The following FBXO40 variants were observed in gnomAD, a reference collection of about 807,000 sequenced individuals.
FBXO40 encodes the protein F-box protein 40, also known as F-box only protein 40.
Under a neutral mutation model 49.9 loss-of-function variants are expected in FBXO40, and 50 were observed. The observed-to-expected ratio is 1.00, with a 90% CI of 0.80 to 1.27. FBXO40 has a LOEUF of 1.27. Among genes scored for constraint, FBXO40 ranks in the 50% most tolerant of loss-of-function variants. The probability of loss-of-function intolerance (pLI) is 0.00; values close to 1 mark genes in which losing one functional copy is unlikely to be tolerated. For missense variants in FBXO40, 895 were observed against 870.1 expected (o/e 1.03, Z -0.36); for synonymous variants, 340 against 320.2 (o/e 1.06, Z -0.66).
chr3:121,599,923 A>G (rs1039143790), intron 1 of FBXO40, among the ~76,000 whole-genome samples: 6 of 151,694 alleles, frequency 4.0e-5, no homozygotes, highest in African/African-American at 1.2e-4. Context: ...AGGTTTTTCC[A>G]TGCTGACCAA....
intron 1 of FBXO40, among the ~76,000 whole-genome samples, chr3:121,618,791 G>A (rs1009510660): frequency 6.6e-6 from 1 of 151,842 alleles, no homozygotes; most frequent in African/African-American, 2.4e-5. Context: ...GATTGAGAGA[G>A]AGACAGAGAG....
At chr3:121,600,025 A>AAC (rs1286352235) in intron 1 of FBXO40, among the ~76,000 whole-genome samples, 1 of 148,952 alleles carries the variant, frequency 6.7e-6, no homozygotes, top group East Asian at 2.0e-4. Flanking sequence ...GCCCTGTCTA[A>AAC]ACACACATAT....
intron 1 of FBXO40, among the ~76,000 whole-genome samples, chr3:121,605,515 T>C (rs2108845918): frequency 6.6e-6 from 1 of 152,342 alleles, no homozygotes; most frequent in East Asian, 1.9e-4. Context: ...AGTGATTCCA[T>C]TGTTCCTAAC....
intron 1 of FBXO40, among the ~76,000 whole-genome samples, chr3:121,607,265 CAAA>C (rs199884317): frequency 1.2e-5 from 1 of 86,632 alleles, no homozygotes; most frequent in Non-Finnish European, 2.1e-5. Flanking sequence ...AACTCCATCT[CAAA>C]AAAAAAAAAA....
At chr3:121,618,879 G>A (rs575920371) in intron 1 of FBXO40, among the ~76,000 whole-genome samples, 1 of 151,360 alleles carries the variant, frequency 6.6e-6, no homozygotes, top group East Asian at 1.9e-4. Flanking sequence ...GGTGTTCATT[G>A]TATGTATTCC....
chr3:121,620,664 C>T, intron 2 of FBXO40, 86 bp downstream of exon 2: 2 of 1,532,008 alleles, frequency 1.3e-6, no homozygotes, highest in Non-Finnish European at 1.8e-6. Context: ...AGCTAGCAGA[C>T]TTGCTCTTAT....
intron 1 of FBXO40, among the ~76,000 whole-genome samples, chr3:121,603,642 G>T (rs1013781397): frequency 1.3e-5 from 2 of 152,188 alleles, no homozygotes; most frequent in African/African-American, 4.8e-5. Context: ...TAACCTTATA[G>T]GTGCTTTGTG....
At chr3:121,609,648 C>T (rs999834113) in intron 1 of FBXO40, among the ~76,000 whole-genome samples, 1 of 152,126 alleles carries the variant, frequency 6.6e-6, no homozygotes, top group Non-Finnish European at 1.5e-5. Flanking sequence ...ACAAAAGTAA[C>T]ACTCGTTTGT....
intron 1 of FBXO40, among the ~76,000 whole-genome samples, chr3:121,608,088 G>A (rs1369354114): frequency 6.6e-6 from 1 of 152,228 alleles, no homozygotes; most frequent in Non-Finnish European, 1.5e-5. Flanking sequence ...TGGGCACTAG[G>A]ATGCCCATAA....
Position 121,623,161 on chromosome 3 carries a change from C to T in FBXO40, c.1732C>T (p.Leu578=). Residue 578 remains leucine (L), a synonymous_variant, in exon 3 of 4, where the codon CTG becomes TTG. Transcript: ENST00000338040. The part of the protein sequence containing the change: ...KSQNSLTSLP[L]EILKYIAGFL... ...CCAGAATTCTTTAACCAGCCTGCCC[C>T]TGGAGATTTTGAAGTACATTGCTGG... The T allele has an allele frequency of 6.2e-7, 1 of 1,614,196 alleles. No homozygotes were observed. The highest frequency in any genetic ancestry group is 8.5e-7 in the Non-Finnish European group (1 of 1,180,038).
rs143219877 is a variant in FBXO40, at chr3:121,599,422, C to G, written c.-31+5920C>G. ...GGTGGAGGTTGCAGTAAGCCAAGAT[C>G]GTGCCACTGCACTCCAGCCTGGGCA... On this transcript the variant is annotated intron_variant, in intron 1 of 3. Coordinates refer to ENST00000338040, the MANE Select transcript of FBXO40 (RefSeq NM_016298.4). Among the ~76,000 whole-genome samples, 1,060 of 144,868 alleles carry G rather than the reference C, an allele frequency of 7.3e-3. 12 individuals carry two copies. Among genetic ancestry groups the G allele is most frequent in the African/African-American group, 0.026 (995 of 38,890 alleles).
rs2048998223 is a variant in FBXO40 at position 121,616,517 on chromosome 3, T to C, written c.-30-4029T>C. 2.0e-5 allele frequency among the ~76,000 whole-genome samples: 3 copies of C among 152,234 alleles called. No individual in the cohort carries two copies. In the South Asian group the frequency reaches 6.2e-4, roughly 32 times the overall value. On this transcript the variant is annotated intron_variant, in intron 1 of 3. Transcript: ENST00000338040. ...CTGAGAAACTGAATTATTCATTTTA[T>C]TGCATTTTGATTAAATTTAAATAGC...
At position 121,622,212 on chromosome 3, in the gene FBXO40, G is replaced by A; in HGVS notation, c.783G>A (p.Glu261=). The part of the protein sequence containing the change: ...ISSGHNMVEG[E]GAPKKKEPQE... The stretch of plus-strand genomic sequence containing the variant: ...GTGGCCATAACATGGTAGAAGGAGA[G>A]GGCGCTCCCAAAAAGAAAGAACCAC... Residue 261 remains glutamate (E), a synonymous_variant, in exon 3 of 4, where the codon GAG becomes GAA. Coordinates refer to ENST00000338040, the MANE Select transcript of FBXO40 (RefSeq NM_016298.4). 1 of 1,613,990 alleles carries A rather than the reference G, an allele frequency of 6.2e-7. No homozygotes were observed. Among genetic ancestry groups the A allele is most frequent in the Non-Finnish European group, 8.5e-7 (1 of 1,179,968 alleles).
intron 1 of FBXO40, among the ~76,000 whole-genome samples, chr3:121,602,402 A>T (rs2048905197): frequency 6.6e-6 from 1 of 152,038 alleles, no homozygotes; most frequent in African/African-American, 2.4e-5. Context: ...TCCTCCCCAA[A>T]TTGTTCCCTC....
chr3:121,625,842 A>G (rs2049059056), intron 3 of FBXO40, among the ~76,000 whole-genome samples: 1 of 152,240 alleles, frequency 6.6e-6, no homozygotes, highest in Non-Finnish European at 1.5e-5. Context: ...CTTTTCCTAC[A>G]TAGCAACAAG....
chr3:121,621,905 C>G lies in FBXO40; in HGVS notation c.476C>G (p.Thr159Ser). The G allele has an allele frequency of 1.2e-6, 2 of 1,614,138 alleles. No homozygotes were observed. Among genetic ancestry groups the G allele is most frequent in the Non-Finnish European group, 1.7e-6 (2 of 1,180,026 alleles). ...ETREATEEEP[T>S]MNGETSVEEM... ...AGAGAGGCTACTGAGGAGGAACCAA[C>G]TATGAATGGTGAAACCAGTGTGGAG... The change falls in exon 3 of 4, where the codon ACT (threonine) becomes AGT (serine). Residue 159 changes from threonine (T) to serine (S), a missense_variant. Thr to Ser is a moderately conservative substitution (Grantham distance 58). Coordinates refer to ENST00000338040, the MANE Select transcript of FBXO40 (RefSeq NM_016298.4).
intron 1 of FBXO40, among the ~76,000 whole-genome samples, chr3:121,611,227 C>T (rs983503097): frequency 6.6e-6 from 1 of 152,276 alleles, no homozygotes; most frequent in African/African-American, 2.4e-5. Context: ...AGGGGACCAG[C>T]GCTTAGCATA....
chr3:121,606,753 T>G (rs1217522340), intron 1 of FBXO40, among the ~76,000 whole-genome samples: 1 of 152,176 alleles, frequency 6.6e-6, no homozygotes, highest in Non-Finnish European at 1.5e-5. Flanking sequence ...GATAGCCAGG[T>G]CTCTGATGTT....
At chr3:121,597,213 G>T (rs2048877043) in intron 1 of FBXO40, among the ~76,000 whole-genome samples, 1 of 152,090 alleles carries the variant, frequency 6.6e-6, no homozygotes, top group Non-Finnish European at 1.5e-5. Context: ...GCAGAATAAT[G>T]CAGATGAGCA....
Sources: allele counts gnomAD v4.1 joint callset (sites outside exome capture counted in the v4.1 genomes callset), GRCh38; gene constraint gnomAD v4.1.1; transcripts MANE v1.5; gene names NCBI Gene and HGNC (gene_info 2026-07-23, HGNC 2026-07-21).